SMOC1: variants seen among roughly 807,000 people sequenced by gnomAD.
The protein encoded by SMOC1 is SPARC related modular calcium binding 1, also known as SPARC-related modular calcium-binding protein 1.
Under a neutral mutation model 56.3 loss-of-function variants are expected in SMOC1, and 22 were observed. The observed-to-expected ratio is 0.39, with a 90% CI of 0.28 to 0.56. The LOEUF (loss-of-function observed/expected upper bound fraction) is 0.56. SMOC1 is among the 20% of genes least tolerant of loss of function. The pLI is 0.61. For synonymous variants in SMOC1, 193 were observed against 215.0 expected, an observed-to-expected ratio of 0.90 and a Z score of 0.89; for missense variants, 509 against 565.4, an observed-to-expected ratio of 0.90 and a Z score of 1.01.
intron 1 of SMOC1, among the ~76,000 whole-genome samples, chr14:69,923,681 T>C (rs1884912092): frequency 2.0e-5 from 3 of 152,326 alleles, no homozygotes; most frequent in Non-Finnish European, 2.9e-5. Flanking sequence ...TAGACTCCTA[T>C]GACCTGCTCT....
chr14:69,942,277 G>C (rs978265939), intron 1 of SMOC1, among the ~76,000 whole-genome samples: 3 of 151,964 alleles, frequency 2.0e-5, no homozygotes, highest in African/African-American at 4.8e-5. Context: ...TACCTAGCAT[G>C]GTGGCTTGTA....
At chr14:69,912,353 A>G (rs2139349531) in intron 1 of SMOC1, among the ~76,000 whole-genome samples, 1 of 152,224 alleles carries the variant, frequency 6.6e-6, no homozygotes, top group African/African-American at 2.4e-5. Context: ...GCTTCAAGCA[A>G]TCCTCCTGTC....
chr14:70,023,647 G>A (rs1475397954), intron 11 of SMOC1, among the ~76,000 whole-genome samples, 200 bp downstream of exon 11: 2 of 152,208 alleles, frequency 1.3e-5, no homozygotes, highest in African/African-American at 4.8e-5. Context: ...ACAGAAGACA[G>A]AGCTTAAATA....
At chr14:69,952,330 A>G in intron 2 of SMOC1, 27 bp downstream of exon 2, 1 of 1,613,086 alleles carries the variant, frequency 6.2e-7, no homozygotes, top group Admixed American at 1.7e-5. Flanking sequence ...CTGCCCAGCC[A>G]AGGAGAGGTT....
intron 5 of SMOC1, among the ~76,000 whole-genome samples, chr14:69,988,902 A>G (rs553379418): frequency 6.6e-6 from 1 of 152,364 alleles, no homozygotes; most frequent in Non-Finnish European, 1.5e-5. Context: ...TTAATTGCTG[A>G]ATAGTATGCT....
At chr14:69,983,117 T>C (rs1036453029) in intron 5 of SMOC1, among the ~76,000 whole-genome samples, 3 of 152,164 alleles carry the variant, frequency 2.0e-5, no homozygotes, top group African/African-American at 7.2e-5. Context: ...CGCCTCCATT[T>C]TGGCCCGTAT....
intron 9 of SMOC1, among the ~76,000 whole-genome samples, chr14:70,012,304 C>T (rs1394803007): frequency 6.6e-6 from 1 of 152,212 alleles, no homozygotes; most frequent in Non-Finnish European, 1.5e-5. Context: ...GGCCAGGGTA[C>T]CCCTTTTAGC....
At chr14:69,917,955 C>T (rs1281558660) in intron 1 of SMOC1, among the ~76,000 whole-genome samples, 6 of 152,174 alleles carry the variant, frequency 3.9e-5, no homozygotes, top group African/African-American at 1.4e-4. Flanking sequence ...GCTTCACCTC[C>T]CTTCCTGCCT....
At chr14:70,026,127 TG>T (rs934781722) in intron 11 of SMOC1, among the ~76,000 whole-genome samples, 3 of 152,228 alleles carry the variant, frequency 2.0e-5, no homozygotes, top group Non-Finnish European at 2.9e-5. Flanking sequence ...AATGAATGGA[TG>T]GGGGGGTTGC....
At position 69,999,430 on chromosome 14, in the gene SMOC1, G is replaced by A. The variant is rs147953562; in HGVS notation, c.664+4950G>A. 7.6e-3 allele frequency among the ~76,000 whole-genome samples: 1,159 copies of A among 152,282 alleles called. 18 individuals are homozygous for A. Among genetic ancestry groups the A allele is most frequent in the Middle Eastern group, 0.031 (9 of 294 alleles). ...CGCAGGGAAACCAGCGGTAGCCGTCGTAAGCAAATACCCCATGGCCACCTG... is the reference window on the plus strand; with the variant it reads ...CGCAGGGAAACCAGCGGTAGCCGTCATAAGCAAATACCCCATGGCCACCTG... On this transcript the variant is annotated intron_variant, in intron 7 of 11. Coordinates refer to ENST00000361956, the MANE Select transcript of SMOC1 (RefSeq NM_001034852.3).
At chr14:69,948,260 A>G (rs765924124) in intron 1 of SMOC1, among the ~76,000 whole-genome samples, 2 of 152,196 alleles carry the variant, frequency 1.3e-5, no homozygotes, top group Admixed American at 6.5e-5. Flanking sequence ...ACAAATACAC[A>G]CAGTTCCTAA....
At position 69,961,119 on chromosome 14, in the gene SMOC1, T is replaced by G. The variant is rs554445645; in HGVS notation, c.378+7587T>G. 1.2e-4 allele frequency among the ~76,000 whole-genome samples: 18 copies of G among 151,988 alleles called. No homozygotes were observed. In the East Asian group the frequency reaches 3.1e-3, roughly 26 times the overall value. ...CTAATCTACTTTCTATTTCTATGATTTGCTTATTCTGGACATTTCATACAA... is the reference window on the plus strand; with the variant it reads ...CTAATCTACTTTCTATTTCTATGATGTGCTTATTCTGGACATTTCATACAA... On this transcript the variant is annotated intron_variant, in intron 3 of 11. Transcript: ENST00000361956.
chr14:69,895,776 G>A (rs749784244), intron 1 of SMOC1, among the ~76,000 whole-genome samples: 1 of 151,842 alleles, frequency 6.6e-6, no homozygotes, highest in Non-Finnish European at 1.5e-5. Flanking sequence ...CATCAAGGTA[G>A]AGCCTTAGGA....
intron 7 of SMOC1, among the ~76,000 whole-genome samples, chr14:70,007,703 T>G (rs1885195138): frequency 6.6e-6 from 1 of 152,204 alleles, no homozygotes. Flanking sequence ...CTTGGGAAAA[T>G]CCATTAATCT....
chr14:69,979,287 G>T (rs1179001174), intron 5 of SMOC1, among the ~76,000 whole-genome samples: 1 of 152,196 alleles, frequency 6.6e-6, no homozygotes, highest in African/African-American at 2.4e-5. Context: ...GCCCCCAAAT[G>T]CAGGTGCTCC....
At chr14:69,954,012 A>AGT (rs71448307) in intron 3 of SMOC1, among the ~76,000 whole-genome samples, 2 of 151,302 alleles carry the variant, frequency 1.3e-5, no homozygotes, top group African/African-American at 2.4e-5. Context: ...GGAGTGTGTG[A>AGT]GTGTGTGTGT....
chr14:70,004,156 T>A (rs17107602), intron 7 of SMOC1, among the ~76,000 whole-genome samples: 6,983 of 152,288 alleles, frequency 0.046, 514 homozygotes, highest in African/African-American at 0.16. Flanking sequence ...CCAGGAAGAC[T>A]GCATCATTCA....
At chr14:69,973,470 G>A (rs535284103) in intron 3 of SMOC1, among the ~76,000 whole-genome samples, 10 of 152,224 alleles carry the variant, frequency 6.6e-5, no homozygotes, top group African/African-American at 2.4e-4. Context: ...CACCATTAAG[G>A]CTCCTCAGAA....
intron 7 of SMOC1, among the ~76,000 whole-genome samples, chr14:70,005,836 C>T (rs1885132028): frequency 6.6e-6 from 1 of 152,180 alleles, no homozygotes; most frequent in Admixed American, 6.5e-5. Context: ...TCCCTCTCCC[C>T]TTCCGTTTAT....
Sources: allele counts gnomAD v4.1 joint callset (sites outside exome capture counted in the v4.1 genomes callset), GRCh38; gene constraint gnomAD v4.1.1; transcripts MANE v1.5; gene names NCBI Gene and HGNC (gene_info 2026-07-23, HGNC 2026-07-21).